PPM1H: variants seen among roughly 807,000 people sequenced by gnomAD.
PPM1H encodes the protein protein phosphatase, Mg2+/Mn2+ dependent 1H.
Under a neutral mutation model 54.9 loss-of-function variants are expected in PPM1H, and 27 were observed. The observed-to-expected ratio is 0.49, with a 90% CI of 0.36 to 0.68. The LOEUF (loss-of-function observed/expected upper bound fraction) is 0.68, where lower values mean the gene tolerates loss of function less well. Among genes scored for constraint, PPM1H ranks in the 30% least tolerant of loss-of-function variants. The pLI is 0.00. For synonymous variants in PPM1H, 305 were observed against 270.8 expected (o/e 1.13, Z -1.24); for missense variants, 596 against 667.8 (o/e 0.89, Z 1.19).
At chr12:62,913,751 C>T (rs185796748) in intron 1 of PPM1H, among the ~76,000 whole-genome samples, 2 of 152,216 alleles carry the variant, frequency 1.3e-5, no homozygotes, top group African/African-American at 2.4e-5. Flanking sequence ...TCCAGGCTGG[C>T]GTGCAGTGGT....
intron 5 of PPM1H, among the ~76,000 whole-genome samples, chr12:62,727,805 C>G (rs545060283): frequency 6.6e-6 from 1 of 151,798 alleles, no homozygotes; most frequent in Non-Finnish European, 1.5e-5. Flanking sequence ...GGACTACATG[C>G]GTGCGCCACC....
rs186197760 is a variant in PPM1H, at chr12:62,668,469, G to C, written c.1246-1140C>G. Among the ~76,000 whole-genome samples, 134 of 152,300 alleles carry C rather than the reference G, an allele frequency of 8.8e-4. 2 individuals carry two copies. Among genetic ancestry groups the C allele is most frequent in the African/African-American group, 3.1e-3 (129 of 41,568 alleles). ...CAGCTCACTGCAACCTTCGCCTCCA[G>C]GGTTCAAGCGATTCTCCCGCTTCAG... On this transcript the variant is annotated intron_variant, in intron 8 of 9. Coordinates refer to ENST00000228705, the MANE Select transcript of PPM1H (RefSeq NM_020700.2).
chr12:62,740,648 G>T (rs554728008), intron 4 of PPM1H, among the ~76,000 whole-genome samples: 1 of 152,254 alleles, frequency 6.6e-6, no homozygotes, highest in African/African-American at 2.4e-5. Flanking sequence ...CTGTAAGCTG[G>T]ACAAGAACCA....
intron 9 of PPM1H, among the ~76,000 whole-genome samples, chr12:62,659,934 G>T (rs750177178): frequency 6.6e-6 from 1 of 152,142 alleles, no homozygotes; most frequent in Non-Finnish European, 1.5e-5. Flanking sequence ...GTTCCCTCAG[G>T]CTTGAACCCA....
chr12:62,807,897 G>A (rs1255612415), intron 2 of PPM1H, among the ~76,000 whole-genome samples: 2 of 152,270 alleles, frequency 1.3e-5, no homozygotes, highest in East Asian at 1.9e-4. Context: ...GAGTGCACTG[G>A]CACAACCACG....
At chr12:62,797,644 C>G (rs902039082) in intron 3 of PPM1H, among the ~76,000 whole-genome samples, 1 of 152,082 alleles carries the variant, frequency 6.6e-6, no homozygotes, top group Non-Finnish European at 1.5e-5. Context: ...CAATGACTCT[C>G]AAAAACCTAA....
chr12:62,747,220 T>C (rs2120562986), intron 4 of PPM1H, among the ~76,000 whole-genome samples: 1 of 151,880 alleles, frequency 6.6e-6, no homozygotes, highest in South Asian at 2.1e-4. Flanking sequence ...CACTGCAACC[T>C]CCGCCTCCCA....
intron 1 of PPM1H, among the ~76,000 whole-genome samples, chr12:62,925,406 C>T (rs1192177853): frequency 1.3e-5 from 2 of 152,072 alleles, no homozygotes; most frequent in Non-Finnish European, 2.9e-5. Context: ...TGAGGAAACT[C>T]GTCCCTACTA....
intron 1 of PPM1H, among the ~76,000 whole-genome samples, chr12:62,840,717 G>C (rs780157957): frequency 3.3e-5 from 5 of 152,148 alleles, no homozygotes; most frequent in Non-Finnish European, 7.4e-5. Context: ...GTATTGGCTT[G>C]GTGAGGGAGC....
chr12:62,818,259 T>TA (rs2076882368), intron 2 of PPM1H, among the ~76,000 whole-genome samples: 1 of 152,196 alleles, frequency 6.6e-6, no homozygotes, highest in African/African-American at 2.4e-5. Flanking sequence ...CTCCTCCTCT[T>TA]ATCTCATTCC....
chr12:62,792,274 C>T (rs77910630), intron 3 of PPM1H, among the ~76,000 whole-genome samples: 2,283 of 152,246 alleles, frequency 0.015, 22 homozygotes, highest in Non-Finnish European at 0.025. Context: ...GTTAGCTTAC[C>T]CATTTAACCC....
At chr12:62,711,760 G>A (rs2076208358) in intron 6 of PPM1H, among the ~76,000 whole-genome samples, 1 of 152,218 alleles carries the variant, frequency 6.6e-6, no homozygotes, top group East Asian at 1.9e-4. Context: ...GAAGCAGAGA[G>A]ACGTGTGTGA....
chr12:62,700,438 C>G (rs762871023), intron 6 of PPM1H, among the ~76,000 whole-genome samples: 2 of 152,194 alleles, frequency 1.3e-5, no homozygotes, highest in African/African-American at 2.4e-5. Context: ...TGTGGCAAAG[C>G]TTTTTGATAC....
chr12:62,778,975 G>C (rs577238404), intron 4 of PPM1H, among the ~76,000 whole-genome samples: 2 of 151,764 alleles, frequency 1.3e-5, no homozygotes, highest in African/African-American at 4.8e-5. Flanking sequence ...GGAAGAAAGG[G>C]AAGGAAAGGA....
intron 4 of PPM1H, among the ~76,000 whole-genome samples, chr12:62,739,359 G>A (rs893815377): frequency 5.3e-5 from 8 of 152,130 alleles, no homozygotes; most frequent in Admixed American, 3.3e-4. Flanking sequence ...CAAGGGAGTA[G>A]GAGTTTTGAC....
Position 62,645,003 on chromosome 12 carries a change from A to G in PPM1H, c.*3486T>C, listed in dbSNP as rs2075777448. 6.6e-6 allele frequency: 1 copy of G among 152,240 alleles called. No homozygotes were observed. The highest frequency in any genetic ancestry group is 2.4e-5 in the African/African-American group (1 of 41,452). 9.4% of individuals were successfully genotyped at this position (152,240 alleles called of 1,614,324 possible). On this transcript the variant is annotated 3_prime_UTR_variant, in exon 10 of 10. Transcript: ENST00000228705. ...CTGGGTCGCTTAAGGAAAGCTGAGA[A>G]CCTCAAACCTGTGGAAGGAAAACCA...
chr12:62,924,420 C>G (rs1871903484), intron 1 of PPM1H, among the ~76,000 whole-genome samples: 1 of 152,188 alleles, frequency 6.6e-6, no homozygotes, highest in Non-Finnish European at 1.5e-5. Context: ...TCTCTGTCAG[C>G]TCAGCATTTA....
At chr12:62,800,987 A>G (rs1292878996) in intron 3 of PPM1H, among the ~76,000 whole-genome samples, 2 of 152,186 alleles carry the variant, frequency 1.3e-5, no homozygotes, top group Non-Finnish European at 2.9e-5. Context: ...ACAAATCCAC[A>G]TGCCTGGGTA....
At chr12:62,879,784 A>T (rs1870324238) in intron 1 of PPM1H, among the ~76,000 whole-genome samples, 1 of 152,106 alleles carries the variant, frequency 6.6e-6, no homozygotes, top group Non-Finnish European at 1.5e-5. Context: ...AAATTAAAAA[A>T]ATAAAAAAAG....
Sources: gnomAD v4.1 joint callset for allele counts (sites outside exome capture counted in the v4.1 genomes callset) on GRCh38, gnomAD v4.1.1 for gene constraint, MANE v1.5 for transcripts, NCBI Gene and HGNC (gene_info 2026-07-23, HGNC 2026-07-21) for gene names.